The following C16orf96 variants were observed in gnomAD, a reference collection of about 807,000 sequenced individuals.
C16orf96 encodes uncharacterized protein C16orf96.
C16orf96 carries 108 observed loss-of-function variants against 103.6 expected under a neutral mutation model. The observed-to-expected ratio is 1.04, with a 90% CI of 0.89 to 1.22. The LOEUF is 1.22. C16orf96 is among the 50% of genes most tolerant of loss of function. C16orf96 has a pLI of 0.00. For missense variants in C16orf96, 1,586 were observed against 1,464.2 expected (o/e 1.08, Z -1.36); for synonymous variants, 566 against 593.5 (o/e 0.95, Z 0.67).
Position 4,600,549 on chromosome 16 carries a change from C to T in C16orf96, c.*232C>T. ...CGAGGCTGAGACCCATATGCCCCCC[C>T]CACCCCCACCAAGTCCCGTCCCCGG... On this transcript the variant is annotated 3_prime_UTR_variant, in exon 16 of 16. Transcript: ENST00000444310. 2 of 476,808 alleles carry T rather than the reference C, an allele frequency of 4.2e-6. No homozygotes were observed. Among genetic ancestry groups the T allele is most frequent in the South Asian group, 2.1e-5 (1 of 47,816 alleles). 29.5% of individuals were successfully genotyped at this position (476,808 alleles called of 1,614,324 possible).
rs147742327 is a variant in C16orf96, at chr16:4,582,174, C to T, written c.2352+2049C>T. Among the ~76,000 whole-genome samples, 260 of 151,952 alleles carry T rather than the reference C, an allele frequency of 1.7e-3. 2 individuals are homozygous for T. Among genetic ancestry groups the T allele is most frequent in the African/African-American group, 6.1e-3 (251 of 41,434 alleles). ...GCGGATGCCTGTAATCCCAGCTACT[C>T]GGGTGGCTGAGGCAGGAGAATCACT... is the stretch of plus-strand genomic sequence containing the variant. On this transcript the variant is annotated intron_variant, in intron 7 of 15. Transcript: ENST00000444310.
At position 4,600,344 on chromosome 16, in the gene C16orf96, C is replaced by T; in HGVS notation, c.*27C>T. Reference sequence around the variant, plus strand: ...CCCCACCCCGCTGCGCCCCCCATCGCCAAGTCCCCTCCACGTCCGAGGCTG... The same window carrying T: ...CCCCACCCCGCTGCGCCCCCCATCGTCAAGTCCCCTCCACGTCCGAGGCTG... On this transcript the variant is annotated 3_prime_UTR_variant, in exon 16 of 16. Transcript: ENST00000444310. 6.7e-7 allele frequency: 1 copy of T among 1,488,228 alleles called. No homozygotes were observed. The highest frequency in any genetic ancestry group is 2.5e-5 in the East Asian group (1 of 40,568). The allele number at this position is 1,488,228 out of a possible 1,614,324, so 92.2% of individuals were successfully genotyped here.
intron 12 of C16orf96, among the ~76,000 whole-genome samples, chr16:4,594,033 T>TG (rs938942519): frequency 2.0e-5 from 3 of 152,078 alleles, no homozygotes; most frequent in African/African-American, 7.2e-5. Flanking sequence ...GGGAGGGACG[T>TG]GGGGGCCTGT....
chr16:4,568,685 G>A (rs1483114407), intron 1 of C16orf96, among the ~76,000 whole-genome samples: 2 of 143,712 alleles, frequency 1.4e-5, no homozygotes, highest in East Asian at 4.2e-4. Context: ...CTGGAGGGCA[G>A]TAGTGCAATC....
At chr16:4,555,342 G>A (rs1447599272), upstream of C16orf96, among the ~76,000 whole-genome samples, 3 of 151,402 alleles carry the variant, frequency 2.0e-5, no homozygotes, top group Non-Finnish European at 2.9e-5. Context: ...GGGGCCTTTG[G>A]ATGCGTCCAG....
chr16:4,551,543 C>A (rs1248144458), upstream of C16orf96, among the ~76,000 whole-genome samples: 1 of 152,146 alleles, frequency 6.6e-6, no homozygotes, highest in African/African-American at 2.4e-5. Flanking sequence ...GCTCCGCCTC[C>A]CAGGTTCACG....
At chr16:4,547,889 C>T in the C16orf96 span, among the ~76,000 whole-genome samples, 1 of 151,396 alleles carries the variant, frequency 6.6e-6, no homozygotes, top group African/African-American at 2.4e-5. Context: ...GTCCTCCTTC[C>T]TCAGCTTCCT....
At chr16:4,590,008 C>T (rs1335890366) in intron 9 of C16orf96, among the ~76,000 whole-genome samples, 2 of 152,060 alleles carry the variant, frequency 1.3e-5, no homozygotes, top group East Asian at 3.9e-4. Flanking sequence ...CGCCTGTAGT[C>T]CCAGCTACTT....
At chr16:4,581,658 A>C (rs1225949225) in intron 7 of C16orf96, among the ~76,000 whole-genome samples, 1 of 151,732 alleles carries the variant, frequency 6.6e-6, no homozygotes, top group Non-Finnish European at 1.5e-5. Flanking sequence ...AAACAAAAAA[A>C]CCTAGCTGGA....
chr16:4,573,468 G>A (rs560132606), intron 2 of C16orf96, among the ~76,000 whole-genome samples: 55 of 144,568 alleles, frequency 3.8e-4, no homozygotes, highest in Non-Finnish European at 7.1e-4. Flanking sequence ...AGGTGGGGTC[G>A]GTGGGGCGGC....
intron 1 of C16orf96, among the ~76,000 whole-genome samples, chr16:4,562,047 T>C (rs564800223): frequency 1.3e-5 from 2 of 152,278 alleles, no homozygotes; most frequent in Non-Finnish European, 2.9e-5. Context: ...AACCTTTAAC[T>C]TATTGGTCTT....
intron 1 of C16orf96, among the ~76,000 whole-genome samples, chr16:4,559,387 A>G (rs541210936): frequency 1.3e-5 from 2 of 151,746 alleles, no homozygotes; most frequent in African/African-American, 2.4e-5. Flanking sequence ...TACTAAAAAT[A>G]AAAATAAAAA....
the C16orf96 span, among the ~76,000 whole-genome samples, chr16:4,547,609 C>G: frequency 6.6e-6 from 1 of 151,434 alleles, no homozygotes; most frequent in Non-Finnish European, 1.5e-5. Flanking sequence ...CTCTTTCCTT[C>G]CTTTCTTTCT....
intron 9 of C16orf96, 91 bp downstream of exon 9, chr16:4,588,422 G>A: frequency 7.0e-7 from 1 of 1,422,574 alleles, no homozygotes; most frequent in East Asian, 2.5e-5. Flanking sequence ...CAGTTTAGGA[G>A]GAGCAAGAAT....
the C16orf96 span, among the ~76,000 whole-genome samples, chr16:4,549,301 C>G: frequency 6.6e-6 from 1 of 151,806 alleles, no homozygotes; most frequent in South Asian, 2.1e-4. Context: ...GTTGAAACCC[C>G]GTCTCTACTA....
intron 8 of C16orf96, among the ~76,000 whole-genome samples, 200 bp from the exon 9 acceptor site, chr16:4,587,967 A>T (rs143662620): frequency 2.6e-5 from 4 of 152,114 alleles, no homozygotes; most frequent in African/African-American, 4.8e-5. Context: ...AAATACATCA[A>T]CTTCCCTGTT....
chr16:4,551,938 G>A (rs1361982323), upstream of C16orf96, among the ~76,000 whole-genome samples: 1 of 152,038 alleles, frequency 6.6e-6, no homozygotes, highest in Non-Finnish European at 1.5e-5. Flanking sequence ...ACAGGCCCCG[G>A]TGTGTGACAT....
In C16orf96 at chr16:4,571,638, G is replaced by T; in HGVS notation, c.498G>T (p.Val166=). The T allele has an allele frequency of 6.4e-7, 1 of 1,552,024 alleles. No homozygotes were observed. The highest frequency in any genetic ancestry group is 8.7e-7 in the Non-Finnish European group (1 of 1,146,998). The change falls in exon 2 of 16, where the codon GTG becomes GTT. Residue 166 remains valine, a synonymous_variant. Transcript: ENST00000444310. ...CCATCACAGCCCTCAGAAAAGAAGT[G>T]GACATGCTGAAGAACATGCTTGACA... The part of the protein sequence containing the change: ...QVTITALRKE[V]DMLKNMLDKV...
At chr16:4,554,196 A>C (rs1249091195), upstream of C16orf96, among the ~76,000 whole-genome samples, 1 of 152,018 alleles carries the variant, frequency 6.6e-6, no homozygotes, top group Non-Finnish European at 1.5e-5. Flanking sequence ...TGTCCTTATG[A>C]TGTCAGAGCA....
Sources: gnomAD v4.1 joint callset for allele counts (sites outside exome capture counted in the v4.1 genomes callset) on GRCh38, gnomAD v4.1.1 for gene constraint, MANE v1.5 for transcripts, NCBI Gene and HGNC (gene_info 2026-07-23, HGNC 2026-07-21) for gene names.